The following AGBL1 variants were observed in gnomAD, a reference collection of about 807,000 sequenced individuals.
AGBL1 encodes AGBL carboxypeptidase 1.
In AGBL1, 130 loss-of-function variants were observed where a neutral mutation model predicts 118.9. The observed-to-expected ratio is 1.09, with a 90% confidence interval of 0.95 to 1.26. The LOEUF is 1.26. Ranked by LOEUF, AGBL1 falls within the 50% of genes most tolerant of loss-of-function variation. The pLI is 0.00. For synonymous variants in AGBL1, 555 were observed against 478.9 expected, an observed-to-expected ratio of 1.16 and a Z score of -2.08; for missense variants, 1,584 against 1,298.1, an observed-to-expected ratio of 1.22 and a Z score of -3.38.
chr15:86,352,201 C>T (rs1029732014), intron 17 of AGBL1, among the ~76,000 whole-genome samples: 2 of 152,170 alleles, frequency 1.3e-5, no homozygotes, highest in Non-Finnish European at 2.9e-5. Context: ...ATTGTGGCAT[C>T]TTGAGTCACT....
Position 86,264,457 on chromosome 15 carries a change from G to A in AGBL1, c.1286G>A (p.Gly429Asp). ...ACGGGAAGGTCCACTGTGCATCTAG[G>A]CTCCAAAAAAAATCCTGGAGTGAAC... ...VKTGRSTVHL[G>D]SKKNPGVNLY... The change falls in exon 11 of 23, where the codon GGC becomes GAC. Residue 429 changes from glycine to aspartate, a missense_variant. By Grantham distance (94) the Gly-to-Asp change is moderately conservative (BLOSUM62 -1). Coordinates refer to ENST00000614907, the MANE Select transcript of AGBL1 (RefSeq NM_001386094.1). The A allele has an allele frequency of 1.9e-6, 3 of 1,613,846 alleles. No individual in the cohort carries two copies. Among genetic ancestry groups the A allele is most frequent in the Non-Finnish European group, 2.5e-6 (3 of 1,179,858 alleles).
chr15:86,295,408 C>T lies in AGBL1; in HGVS notation c.2374C>T (p.Arg792Ter), dbSNP rs757971097. ...SNSDEHLEQF[R>*]HRPYQVITAR... The stretch of plus-strand genomic sequence containing the variant: ...CAGTGATGAGCATCTAGAGCAGTTC[C>T]GTGAGTAAAATGGGATCCTCTTCGT... Residue 792 changes from arginine (R) to a stop codon, truncating the protein, a stop_gained and splice_region_variant, in exon 17 of 23, where the codon CGA (arginine) becomes TGA (stop). Transcript: ENST00000614907. LOFTEE classifies it high-confidence loss of function. The T allele has an allele frequency of 1.8e-5, 28 of 1,556,870 alleles. No individual in the cohort carries two copies. Among genetic ancestry groups the T allele is most frequent in the Admixed American group, 6.0e-5 (3 of 50,148 alleles).
At chr15:86,183,147 T>C (rs567651927) in intron 5 of AGBL1, among the ~76,000 whole-genome samples, 78 of 152,328 alleles carry the variant, frequency 5.1e-4, no homozygotes, top group Admixed American at 2.8e-3. Context: ...TACTGGTGCC[T>C]CTGTCCGATC....
chr15:86,636,710 T>C (rs2085094337), intron 21 of AGBL1, among the ~76,000 whole-genome samples: 4 of 14,716 alleles, frequency 2.7e-4, no homozygotes, highest in Admixed American at 2.3e-3. Flanking sequence ...GTCATATATA[T>C]ATATATATAT....
At chr15:86,570,129 G>A (rs532077417) in intron 21 of AGBL1, among the ~76,000 whole-genome samples, 13 of 152,304 alleles carry the variant, frequency 8.5e-5, no homozygotes, top group African/African-American at 3.1e-4. Context: ...AATGTTCTGA[G>A]AAGGGCAGAG....
intron 18 of AGBL1, among the ~76,000 whole-genome samples, chr15:86,520,301 A>T (rs2083171589): frequency 6.6e-6 from 1 of 152,290 alleles, no homozygotes; most frequent in South Asian, 2.1e-4. Flanking sequence ...AGGGATATCT[A>T]AAATAGCTAT....
intron 18 of AGBL1, among the ~76,000 whole-genome samples, chr15:86,514,423 A>C (rs1262004443): frequency 1.3e-5 from 2 of 152,046 alleles, no homozygotes; most frequent in Non-Finnish European, 2.9e-5. Flanking sequence ...TTTTATCCTT[A>C]GCTTTACCAT....
chr15:86,383,377 C>G (rs184817017), intron 17 of AGBL1, among the ~76,000 whole-genome samples: 1 of 151,020 alleles, frequency 6.6e-6, no homozygotes, highest in African/African-American at 2.4e-5. Flanking sequence ...TACTGAAGGT[C>G]GGGAGTTCAA....
chr15:86,313,169 G>T (rs1386679622), intron 17 of AGBL1, among the ~76,000 whole-genome samples: 1 of 152,150 alleles, frequency 6.6e-6, no homozygotes, highest in Non-Finnish European at 1.5e-5. Context: ...ACCTGAATTT[G>T]AATCATGGAT....
intron 7 of AGBL1, among the ~76,000 whole-genome samples, chr15:86,255,059 C>A (rs900839970): frequency 1.3e-5 from 2 of 152,170 alleles, no homozygotes; most frequent in African/African-American, 4.8e-5. Context: ...ACAAAAAAGA[C>A]ATGATTATCT....
chr15:87,002,859 C>T (rs181403038), intron 24 of AGBL1, among the ~76,000 whole-genome samples: 5,173 of 152,214 alleles, frequency 0.034, 115 homozygotes, highest in Middle Eastern at 0.068. Flanking sequence ...AGTTGCTTAT[C>T]AGCTTAAGAA....
intron 19 of AGBL1, among the ~76,000 whole-genome samples, 196 bp downstream of exon 19, chr15:86,523,135 C>T (rs1233802036): frequency 1.3e-5 from 2 of 152,194 alleles, no homozygotes; most frequent in East Asian, 1.9e-4. Flanking sequence ...TTGTGTAATG[C>T]CAGAGAAACT....
rs139831044 is a variant in AGBL1, at chr15:86,319,743, G to GTTTTTTTTTTTT, written c.2374+24360_2374+24371dup. ...TGTACTTTGTTTTGCCTCTTTGGTAGTTTTTTTTTTTTTTTTTTTTTTTTT... is the reference window on the plus strand; with the variant it reads ...TGTACTTTGTTTTGCCTCTTTGGTAGTTTTTTTTTTTTTTTTTTTTTTTTTTTTTTTTTTTTT... On this transcript the variant is annotated intron_variant, in intron 17 of 22. Transcript: ENST00000614907. Among the ~76,000 whole-genome samples, 34 of 47,252 alleles carry GTTTTTTTTTTTT rather than the reference G, an allele frequency of 7.2e-4. 9 individuals carry two copies. Among genetic ancestry groups the GTTTTTTTTTTTT allele is most frequent in the Non-Finnish European group, 1.1e-3 (30 of 27,906 alleles). The allele number at this position is 47,252 out of a possible 152,430, so 31.0% of individuals were successfully genotyped here.
At chr15:86,448,449 A>C (rs1463016719) in intron 18 of AGBL1, among the ~76,000 whole-genome samples, 1 of 152,202 alleles carries the variant, frequency 6.6e-6, no homozygotes, top group Non-Finnish European at 1.5e-5. Flanking sequence ...GACTACTACA[A>C]AGAAGAGGCT....
chr15:86,488,576 AC>A (rs1452726697), intron 18 of AGBL1, among the ~76,000 whole-genome samples: 1 of 151,968 alleles, frequency 6.6e-6, no homozygotes. Context: ...CACCTGCACC[AC>A]CATACACATG....
At chr15:86,987,019 T>C (rs1179725732) in intron 23 of AGBL1, among the ~76,000 whole-genome samples, 4 of 151,950 alleles carry the variant, frequency 2.6e-5, no homozygotes, top group Non-Finnish European at 4.4e-5. Flanking sequence ...AGGTGCTCAG[T>C]TGGGGAGCTT....
intron 22 of AGBL1, among the ~76,000 whole-genome samples, chr15:86,681,878 C>G (rs2085964544): frequency 6.6e-6 from 1 of 152,048 alleles, no homozygotes; most frequent in African/African-American, 2.4e-5. Context: ...GGAAAGTGCC[C>G]TACTAATGTC....
chr15:86,221,584 A>G (rs1229740522), intron 5 of AGBL1, among the ~76,000 whole-genome samples: 1 of 152,206 alleles, frequency 6.6e-6, no homozygotes, highest in East Asian at 1.9e-4. Context: ...GAATAAACCA[A>G]AAATCAAGAG....
chr15:86,244,106 G>C (rs2078682837), intron 6 of AGBL1, among the ~76,000 whole-genome samples: 1 of 149,536 alleles, frequency 6.7e-6, no homozygotes, highest in Non-Finnish European at 1.5e-5. Context: ...TAAGTAAATA[G>C]ACACTAATCT....
Sources: gnomAD v4.1 joint callset for allele counts (sites outside exome capture counted in the v4.1 genomes callset) on GRCh38, gnomAD v4.1.1 for gene constraint, MANE v1.5 for transcripts, NCBI Gene and HGNC (gene_info 2026-07-23, HGNC 2026-07-21) for gene names.